The following COL6A5 variants were observed in gnomAD, a reference collection of about 807,000 sequenced individuals.
COL6A5 encodes the protein collagen alpha-5(VI) chain.
Under a neutral mutation model 65.6 loss-of-function variants are expected in COL6A5, and 48 were observed. That is an observed-to-expected ratio of 0.73 (90% CI 0.58 to 0.93). The LOEUF (loss-of-function observed/expected upper bound fraction) is 0.93. COL6A5 is among the 40% of genes least tolerant of loss of function. The probability of loss-of-function intolerance (pLI) is 0.00; values close to 1 mark genes in which losing one functional copy is unlikely to be tolerated. For missense variants in COL6A5, 914 were observed against 928.3 expected, an observed-to-expected ratio of 0.98 and a Z score of 0.20; for synonymous variants, 291 against 322.8, an observed-to-expected ratio of 0.90 and a Z score of 1.05.
Position 130,362,289 on chromosome 3 carries a change from C to CATATATATATAT in COL6A5, c.-28-11295_-28-11284dup, listed in dbSNP as rs1184871633. Among the ~76,000 whole-genome samples, 54 of 12,508 alleles carry CATATATATATAT rather than the reference C, an allele frequency of 4.3e-3. 1 individual carries two copies. The highest frequency in any genetic ancestry group is 5.5e-3 in the Non-Finnish European group (32 of 5,800). 8.2% of individuals were successfully genotyped at this position (12,508 alleles called of 152,430 possible). ...CTCTCTCTTTGTCTCTGTCTTTCTC[C>CATATATATATAT]ATATATATATATATATATATATATA... On this transcript the variant is annotated intron_variant and NMD_transcript_variant, in intron 1 of 41. Coordinates refer to the COL6A5 transcript ENST00000312481.
intron 1 of COL6A5, among the ~76,000 whole-genome samples, chr3:130,368,055 C>T (rs1389991213): frequency 4.6e-5 from 7 of 152,218 alleles, no homozygotes; most frequent in East Asian, 1.9e-4. Flanking sequence ...CAAACCTCCT[C>T]GCCACACCTA....
Position 130,373,503 on chromosome 3 carries a change from C to T in COL6A5, c.-28-108C>T, listed in dbSNP as rs150400633. 4.1e-5 allele frequency: 25 copies of T among 616,896 alleles called. No homozygotes were observed. The African/African-American group carries it at 4.3e-4, about 11-fold the overall frequency. The allele number at this position is 616,896 out of a possible 1,614,324, so 38.2% of individuals were successfully genotyped here. The stretch of plus-strand genomic sequence containing the variant: ...AATTTTATAAACACACTTGGCACTG[C>T]TTGACAAATACTTGTTTACAGGTAC... On this transcript the variant is annotated intron_variant and NMD_transcript_variant, in intron 1 of 41. Transcript: ENST00000312481.
exon 7 of COL6A5, chr3:130,391,198 A>C: frequency 6.4e-7 from 1 of 1,551,096 alleles, no homozygotes; most frequent in South Asian, 1.2e-5. Context: ...GGATTACACT[A>C]CTAGACGTTG....
chr3:130,388,686 T>C (rs1936284554), exon 6 of COL6A5: 1 of 1,551,196 alleles, frequency 6.4e-7, no homozygotes. Flanking sequence ...ACCTGTTAAC[T>C]AAAATTCAAA....
intron 1 of COL6A5, among the ~76,000 whole-genome samples, chr3:130,370,022 G>A (rs575729984): frequency 6.6e-6 from 1 of 152,220 alleles, no homozygotes; most frequent in East Asian, 1.9e-4. Flanking sequence ...GTTTCGTTGG[G>A]CCCCAAGTCT....
At chr3:130,409,475 T>G in intron 18 of COL6A5, 87 bp downstream of exon 18, 47 of 1,116,598 alleles carry the variant, frequency 4.2e-5, no homozygotes, top group South Asian at 6.5e-5. Flanking sequence ...CTGCCTACCC[T>G]GTAGGCAAAT....
At chr3:130,453,437 A>G (rs1167723562) in intron 4 of COL6A5, among the ~76,000 whole-genome samples, 2 of 152,072 alleles carry the variant, frequency 1.3e-5, no homozygotes, top group Non-Finnish European at 2.9e-5. Flanking sequence ...CAAAACCCAT[A>G]GTTGTTTTTT....
chr3:130,367,460 C>T (rs1577433668), intron 1 of COL6A5, among the ~76,000 whole-genome samples: 1 of 152,186 alleles, frequency 6.6e-6, no homozygotes, highest in African/African-American at 2.4e-5. Flanking sequence ...GCCTTCATTT[C>T]CTCTTCTCCT....
At position 130,460,174 on chromosome 3, in the gene COL6A5, A is replaced by G. The variant is rs114276743; in HGVS notation, c.1544+4508A>G. Among the ~76,000 whole-genome samples the G allele has an allele frequency of 5.4e-3, 821 of 152,212 alleles. 5 individuals carry two copies. The highest frequency in any genetic ancestry group is 0.019 in the African/African-American group (786 of 41,558). On this transcript the variant is annotated intron_variant, in intron 5 of 7. Transcript: ENST00000512836. ...CAGCTGAATGTTCTGCTTTCCTATC[A>G]GTACACTTTTCAAGGAAGAAATCAG...
At chr3:130,412,229 A>G (rs530874380) in intron 20 of COL6A5, among the ~76,000 whole-genome samples, 1 of 152,298 alleles carries the variant, frequency 6.6e-6, no homozygotes, top group African/African-American at 2.4e-5. Flanking sequence ...ATATTAATTC[A>G]TTTAATCCTC....
intron 5 of COL6A5, among the ~76,000 whole-genome samples, chr3:130,467,378 A>G (rs1359080199): frequency 6.6e-6 from 1 of 152,032 alleles, no homozygotes; most frequent in Non-Finnish European, 1.5e-5. Flanking sequence ...AACACCAGTT[A>G]ACAATAATTT....
intron 1 of COL6A5, among the ~76,000 whole-genome samples, chr3:130,358,070 T>G (rs999197532): frequency 6.6e-6 from 1 of 151,972 alleles, no homozygotes; most frequent in Non-Finnish European, 1.5e-5. Context: ...GCGCCTGTAG[T>G]CCCAGCTACT....
chr3:130,383,856 T>G (rs1936090426), intron 4 of COL6A5, among the ~76,000 whole-genome samples: 1 of 152,058 alleles, frequency 6.6e-6, no homozygotes, highest in African/African-American at 2.4e-5. Context: ...GAGAAGTCTT[T>G]TATTAAAAAA....
At chr3:130,408,536 C>A (rs1264210067) in intron 17 of COL6A5, among the ~76,000 whole-genome samples, 1 of 152,142 alleles carries the variant, frequency 6.6e-6, no homozygotes, top group Non-Finnish European at 1.5e-5. Flanking sequence ...TTCGCCCTGG[C>A]CTTGTGATCT....
At chr3:130,399,575 G>C (rs1936736317) in intron 10 of COL6A5, among the ~76,000 whole-genome samples, 1 of 151,828 alleles carries the variant, frequency 6.6e-6, no homozygotes, top group Admixed American at 6.6e-5. Context: ...GTTTCACCGT[G>C]TTAGCCAGGA....
exon 7 of COL6A5, chr3:130,391,210 G>T (rs1350666709): frequency 6.4e-7 from 1 of 1,551,438 alleles, no homozygotes; most frequent in South Asian, 1.2e-5. Context: ...TAGACGTTGT[G>T]TTTGTGCTGG....
chr3:130,446,317 A>C (rs1709303087), intron 4 of COL6A5, among the ~76,000 whole-genome samples: 1 of 152,158 alleles, frequency 6.6e-6, no homozygotes, highest in East Asian at 1.9e-4. Context: ...ACATAAGCCC[A>C]ATAAGAATAA....
chr3:130,432,488 T>C (rs1446481044), intron 1 of COL6A5, among the ~76,000 whole-genome samples: 1 of 151,054 alleles, frequency 6.6e-6, no homozygotes, highest in Non-Finnish European at 1.5e-5. Context: ...GAGTTGGAGG[T>C]TGTGGTGAGC....
intron 1 of COL6A5, among the ~76,000 whole-genome samples, chr3:130,433,994 T>A (rs1452235394): frequency 6.6e-6 from 1 of 151,414 alleles, no homozygotes; most frequent in Non-Finnish European, 1.5e-5. Context: ...AAAAACAGGA[T>A]ACATGTGCAG....
Sources: allele counts gnomAD v4.1 joint callset (sites outside exome capture counted in the v4.1 genomes callset), GRCh38; gene constraint gnomAD v4.1.1; transcripts MANE v1.5; gene names NCBI Gene and HGNC (gene_info 2026-07-23, HGNC 2026-07-21).